WWOX: variants seen among roughly 807,000 people sequenced by gnomAD.
The protein encoded by WWOX is WW domain-containing oxidoreductase.
WWOX carries 69 observed loss-of-function variants against 46.2 expected under a neutral mutation model. That is an observed-to-expected ratio of 1.49 (90% CI 1.23 to 1.82). The LOEUF (loss-of-function observed/expected upper bound fraction) is 1.82, where lower values mean the gene tolerates loss of function less well. WWOX is among the 40% of genes most tolerant of loss of function. WWOX has a pLI of 0.00. For missense variants in WWOX, 919 were observed against 542.6 expected (o/e 1.69, Z -6.89); for synonymous variants, 359 against 202.6 (o/e 1.77, Z -6.56).
intron 8 of WWOX, among the ~76,000 whole-genome samples, chr16:78,905,698 A>G (rs1324706267): frequency 2.0e-5 from 3 of 152,196 alleles, no homozygotes; most frequent in Non-Finnish European, 4.4e-5. Flanking sequence ...CCTTCCATTA[A>G]TAAAAGGATG....
intron 8 of WWOX, among the ~76,000 whole-genome samples, chr16:78,437,676 C>T (rs903792764): frequency 6.6e-6 from 1 of 152,094 alleles, no homozygotes; most frequent in Non-Finnish European, 1.5e-5. Context: ...ATAAAAATCA[C>T]AGATAAACTT....
intron 1 of WWOX, among the ~76,000 whole-genome samples, chr16:78,106,001 C>T (rs976069005): frequency 1.3e-5 from 2 of 152,018 alleles, no homozygotes; most frequent in Non-Finnish European, 2.9e-5. Flanking sequence ...GGGGTTTTGC[C>T]ATGTTGCCTA....
chr16:78,521,254 G>C (rs892658238), intron 8 of WWOX, among the ~76,000 whole-genome samples: 2 of 152,078 alleles, frequency 1.3e-5, no homozygotes, highest in Non-Finnish European at 1.5e-5. Context: ...ACGGGATCTT[G>C]CTGTGTTGCC....
chr16:79,092,400 G>A (rs972244689), intron 8 of WWOX, among the ~76,000 whole-genome samples: 2 of 152,146 alleles, frequency 1.3e-5, no homozygotes, highest in Non-Finnish European at 2.9e-5. Context: ...TAAAGCCAGA[G>A]GCGATATCAC....
In WWOX at chr16:78,425,018, C is replaced by G. The variant is rs75559202; in HGVS notation, c.754C>G (p.Pro252Ala). The G allele has an allele frequency of 8.9e-3, 14,417 of 1,614,016 alleles. 562 individuals carry two copies. The highest frequency in any genetic ancestry group is 0.079 in the East Asian group (3,560 of 44,852). ...CCAGGATGTTTTGTGCCGCTCAGCT[C>G]CTGCCCGTGTCATTGTGGTCTCCTC... Reference protein sequence around the residue: ...LLQDVLCRSAPARVIVVSSES... With the variant: ...LLQDVLCRSAAARVIVVSSES... Residue 252 changes from proline (P) to alanine (A), a missense_variant, in exon 7 of 9, where the codon CCT becomes GCT. Physicochemically the swap from Pro to Ala is conservative, Grantham distance 27 (BLOSUM62 -1). Transcript: ENST00000566780.
chr16:78,980,063 G>C (rs1034204870), intron 8 of WWOX, among the ~76,000 whole-genome samples: 2 of 152,180 alleles, frequency 1.3e-5, no homozygotes, highest in African/African-American at 4.8e-5. Context: ...AGAAGGCCAA[G>C]GTTGTAGTAA....
chr16:79,161,699 A>C (rs2050489968), intron 8 of WWOX, among the ~76,000 whole-genome samples: 1 of 152,024 alleles, frequency 6.6e-6, no homozygotes, highest in Non-Finnish European at 1.5e-5. Flanking sequence ...TTGTATTTTT[A>C]GTAGAGATGG....
In WWOX at chr16:78,482,048, A is replaced by G. The variant is rs556927965; in HGVS notation, c.1056+49296A>G. Among the ~76,000 whole-genome samples the G allele has an allele frequency of 3.3e-5, 5 of 152,188 alleles. No homozygotes were observed. The East Asian group carries it at 9.7e-4, about 29-fold the overall frequency. Reference sequence around the variant, plus strand: ...TTAAGAAATCTGTTTCTAAAGAATAACTTAGAATGTGCTTGTTATGGTCCC... The same window carrying G: ...TTAAGAAATCTGTTTCTAAAGAATAGCTTAGAATGTGCTTGTTATGGTCCC... On this transcript the variant is annotated intron_variant, in intron 8 of 8. Coordinates refer to ENST00000566780, the MANE Select transcript of WWOX (RefSeq NM_016373.4).
intron 8 of WWOX, among the ~76,000 whole-genome samples, chr16:79,167,831 A>T (rs1027648540): frequency 6.6e-6 from 1 of 152,138 alleles, no homozygotes; most frequent in Admixed American, 6.5e-5. Context: ...TGCCACCGTC[A>T]CCTCTTTTTA....
At chr16:78,354,045 G>T (rs1597084363) in intron 5 of WWOX, among the ~76,000 whole-genome samples, 1 of 152,190 alleles carries the variant, frequency 6.6e-6, no homozygotes, top group Admixed American at 6.5e-5. Flanking sequence ...CTACGCAAGG[G>T]TATTAGGCAG....
At chr16:78,709,320 G>A (rs1398070886) in intron 8 of WWOX, among the ~76,000 whole-genome samples, 1 of 152,208 alleles carries the variant, frequency 6.6e-6, no homozygotes, top group East Asian at 1.9e-4. Flanking sequence ...AACTTACGTA[G>A]TGATCACAGA....
chr16:79,002,123 A>T (rs1031735606), intron 8 of WWOX, among the ~76,000 whole-genome samples: 4 of 150,872 alleles, frequency 2.7e-5, no homozygotes, highest in Non-Finnish European at 5.9e-5. Flanking sequence ...CAGCTGGACG[A>T]TGAATGAGTT....
At chr16:78,416,841 A>C (rs1260480337) in intron 6 of WWOX, among the ~76,000 whole-genome samples, 1 of 152,260 alleles carries the variant, frequency 6.6e-6, no homozygotes, top group East Asian at 1.9e-4. Context: ...TTTACTTCTC[A>C]CAACCATGGG....
intron 8 of WWOX, among the ~76,000 whole-genome samples, chr16:78,589,788 G>A (rs1031757870): frequency 6.6e-6 from 1 of 152,092 alleles, no homozygotes; most frequent in Non-Finnish European, 1.5e-5. Context: ...CTCTCTGCTG[G>A]CTTTTTCCCC....
intron 8 of WWOX, among the ~76,000 whole-genome samples, chr16:79,050,519 GC>G (rs1163752598): frequency 1.9e-4 from 29 of 152,132 alleles, no homozygotes; most frequent in African/African-American, 6.8e-4. Flanking sequence ...AAATCACATG[GC>G]TGAGCTCACG....
Position 78,961,469 on chromosome 16 carries a change from A to G in WWOX, c.1057-250139A>G, listed in dbSNP as rs150485132. Among the ~76,000 whole-genome samples, 274 of 151,884 alleles carry G rather than the reference A, an allele frequency of 1.8e-3. 2 individuals carry two copies. Among genetic ancestry groups the G allele is most frequent in the Non-Finnish European group, 3.3e-3 (221 of 67,924 alleles). On this transcript the variant is annotated intron_variant, in intron 8 of 8. Coordinates refer to ENST00000566780, the MANE Select transcript of WWOX (RefSeq NM_016373.4). ...GATGGATGGATGGGTGGATGGATGG[A>G]TGGATGGATGGATAGGTAGATGGAT...
chr16:79,169,928 G>A (rs1396859855), intron 8 of WWOX, among the ~76,000 whole-genome samples: 1 of 152,156 alleles, frequency 6.6e-6, no homozygotes, highest in Non-Finnish European at 1.5e-5. Flanking sequence ...TATGTTGATG[G>A]CCATGCACAG....
intron 8 of WWOX, among the ~76,000 whole-genome samples, chr16:78,962,984 T>C (rs2046299846): frequency 6.6e-6 from 1 of 152,250 alleles, no homozygotes; most frequent in Non-Finnish European, 1.5e-5. Context: ...TTCTTCTTTC[T>C]CTGCCACTGC....
intron 6 of WWOX, among the ~76,000 whole-genome samples, chr16:78,418,679 A>G (rs977756207): frequency 3.9e-5 from 6 of 152,296 alleles, no homozygotes; most frequent in South Asian, 2.1e-4. Flanking sequence ...ATAATATAAC[A>G]TAATAGTAGA....
Sources: gnomAD v4.1 joint callset for allele counts (sites outside exome capture counted in the v4.1 genomes callset) on GRCh38, gnomAD v4.1.1 for gene constraint, MANE v1.5 for transcripts, NCBI Gene and HGNC (gene_info 2026-07-23, HGNC 2026-07-21) for gene names.